Variants in FARS2 observed in about 807,000 individuals in gnomAD.
FARS2 encodes phenylalanyl-tRNA synthetase 2, mitochondrial.
Under a neutral mutation model 46.4 loss-of-function variants are expected in FARS2, and 40 were observed. That is an observed-to-expected ratio of 0.86 (90% CI 0.67 to 1.12). The LOEUF is 1.12. Among genes scored for constraint, FARS2 ranks in the 50% most tolerant of loss-of-function variants. FARS2 has a pLI of 0.00. For missense variants in FARS2, 513 were observed against 567.9 expected (o/e 0.90, Z 0.98); for synonymous variants, 234 against 214.9 (o/e 1.09, Z -0.78).
intron 1 of FARS2, among the ~76,000 whole-genome samples, chr6:5,298,459 C>T (rs1273302953): frequency 6.6e-6 from 1 of 152,114 alleles, no homozygotes; most frequent in African/African-American, 2.4e-5. Flanking sequence ...GCTTCTTGTC[C>T]CAGCATATCA....
intron 5 of FARS2, among the ~76,000 whole-genome samples, chr6:5,585,873 G>A (rs549235230): frequency 6.6e-6 from 1 of 151,838 alleles, no homozygotes; most frequent in Non-Finnish European, 1.5e-5. Context: ...ATGAACATGG[G>A]GTACAGATCT....
At position 5,471,384 on chromosome 6, in the gene FARS2, CCTT is replaced by C. The variant is rs1582201755; in HGVS notation, c.904+40215_904+40217del. On this transcript the variant is annotated intron_variant, in intron 4 of 6. Coordinates refer to ENST00000274680, the MANE Select transcript of FARS2 (RefSeq NM_006567.5). The surrounding 1 kb of genome is among the most constrained non-coding windows in gnomAD (Gnocchi z 4.1). The stretch of plus-strand genomic sequence containing the variant: ...AGAATTTCAGCAAAAACCCAGGAAT[CCTT>C]CTCTTACCTTTTCTTGCTCTGGCTA... 6.6e-6 allele frequency among the ~76,000 whole-genome samples: 1 copy of C among 152,172 alleles called. No individual in the cohort carries two copies. The highest frequency in any genetic ancestry group is 6.5e-5 in the Admixed American group (1 of 15,272).
At position 5,363,510 on chromosome 6, in the gene FARS2, T is replaced by A. The variant is rs189090308; in HGVS notation, c.-21-5040T>A. Among the ~76,000 whole-genome samples the A allele has an allele frequency of 1.0e-3, 155 of 152,196 alleles. 1 individual carries two copies. The highest frequency in any genetic ancestry group is 3.6e-3 in the African/African-American group (150 of 41,532). ...TTCCACCCAGCATCACATGTAGTGC[T>A]AGATTATGGGCATACGATGATAAAT... On this transcript the variant is annotated intron_variant, in intron 1 of 6. Transcript: ENST00000274680.
chr6:5,325,355 T>C (rs555889969), intron 1 of FARS2, among the ~76,000 whole-genome samples: 2 of 152,370 alleles, frequency 1.3e-5, no homozygotes, highest in South Asian at 4.1e-4. Flanking sequence ...TCCCTGGTGC[T>C]AAGTGCACCT....
chr6:5,366,825 A>G (rs973413589), intron 1 of FARS2, among the ~76,000 whole-genome samples: 3 of 152,234 alleles, frequency 2.0e-5, no homozygotes, highest in African/African-American at 7.2e-5. Flanking sequence ...GTGCTGAGCT[A>G]GGTAGCTAAT....
chr6:5,365,514 T>A (rs1247867469), intron 1 of FARS2, among the ~76,000 whole-genome samples: 50 of 142,766 alleles, frequency 3.5e-4, no homozygotes, highest in Admixed American at 6.2e-4. Context: ...AATAAAATTT[T>A]TTTTTTTTTT....
intron 6 of FARS2, among the ~76,000 whole-genome samples, chr6:5,651,542 A>G (rs1178038109): frequency 1.3e-5 from 2 of 152,240 alleles, no homozygotes; most frequent in African/African-American, 4.8e-5. Flanking sequence ...AAAGCAAGGC[A>G]AGAACCATCC....
At position 5,430,023 on chromosome 6, in the gene FARS2, T is replaced by G. The variant is rs1763072312; in HGVS notation, c.773-1018T>G. Among the ~76,000 whole-genome samples, 2 of 152,160 alleles carry G rather than the reference T, an allele frequency of 1.3e-5. 1 individual carries two copies. The highest frequency in any genetic ancestry group is 4.1e-4 in the South Asian group (2 of 4,826). ...AGCCATTTTTGTCATTATTTTTATT[T>G]GCTTCACATTTTGATTCCCACAAGA... On this transcript the variant is annotated intron_variant, in intron 3 of 6. Transcript: ENST00000274680.
chr6:5,617,778 G>A (rs1163348015), intron 6 of FARS2, among the ~76,000 whole-genome samples: 1 of 152,192 alleles, frequency 6.6e-6, no homozygotes, highest in Admixed American at 6.5e-5. Flanking sequence ...GAAATAGCCT[G>A]GGGCTTGAAT....
chr6:5,326,204 GA>G (rs752293934), intron 1 of FARS2, among the ~76,000 whole-genome samples: 3 of 145,054 alleles, frequency 2.1e-5, no homozygotes, highest in Non-Finnish European at 4.6e-5. Context: ...TGTCAGTGGA[GA>G]GCCTGCTTTG....
chr6:5,418,233 C>T (rs969796711), intron 3 of FARS2, among the ~76,000 whole-genome samples: 3 of 152,068 alleles, frequency 2.0e-5, no homozygotes, highest in Non-Finnish European at 4.4e-5. Flanking sequence ...TATTTTGTTT[C>T]TATTTTGCAT....
chr6:5,521,888 C>T (rs1769162732), intron 4 of FARS2, among the ~76,000 whole-genome samples: 1 of 152,136 alleles, frequency 6.6e-6, no homozygotes, highest in African/African-American at 2.4e-5. Context: ...AAAGCTCCTC[C>T]TCTAGAGCTT....
intron 1 of FARS2, among the ~76,000 whole-genome samples, chr6:5,300,857 T>A (rs3863217): frequency 0.61 from 92,343 of 151,336 alleles, 29,041 homozygotes; most frequent in African/African-American, 0.77. Flanking sequence ...ATTTAAAAAA[T>A]TTTTTTTTGT....
chr6:5,710,296 T>G (rs555631901), intron 6 of FARS2, among the ~76,000 whole-genome samples: 2 of 152,214 alleles, frequency 1.3e-5, no homozygotes, highest in Admixed American at 6.5e-5. Flanking sequence ...CTGACTGTGA[T>G]GAGACTACTT....
chr6:5,257,099 A>G (rs939509367), upstream of FARS2, among the ~76,000 whole-genome samples: 1 of 152,032 alleles, frequency 6.6e-6, no homozygotes, highest in Non-Finnish European at 1.5e-5. Flanking sequence ...CATCTTCTAC[A>G]CTGCTGCCAG....
chr6:5,577,142 T>A (rs1773034835), intron 5 of FARS2, among the ~76,000 whole-genome samples: 1 of 152,158 alleles, frequency 6.6e-6, no homozygotes, highest in African/African-American at 2.4e-5. Context: ...GGGTGAGCAA[T>A]TCTGAAGTTA....
intron 5 of FARS2, among the ~76,000 whole-genome samples, chr6:5,570,216 T>C (rs1287185252): frequency 3.3e-5 from 5 of 152,258 alleles, no homozygotes. Flanking sequence ...TAAAATGTTC[T>C]ATCTAGAAAG....
rs886861105 is a variant in FARS2 at position 5,520,568 on chromosome 6, T to A, written c.905-24612T>A. Among the ~76,000 whole-genome samples the A allele has an allele frequency of 1.3e-5, 2 of 152,226 alleles. 1 individual carries two copies. The highest frequency in any genetic ancestry group is 2.9e-5 in the Non-Finnish European group (2 of 68,040). ...CACCAGCTTAAGAAAGAAGACATTATAGATACAAATGAAGCCTGTTGTCTA... is the reference window on the plus strand; with the variant it reads ...CACCAGCTTAAGAAAGAAGACATTAAAGATACAAATGAAGCCTGTTGTCTA... On this transcript the variant is annotated intron_variant, in intron 4 of 6. Coordinates refer to ENST00000274680, the MANE Select transcript of FARS2 (RefSeq NM_006567.5).
chr6:5,696,181 TTTA>T (rs1758094438), intron 6 of FARS2, among the ~76,000 whole-genome samples: 1 of 152,220 alleles, frequency 6.6e-6, no homozygotes, highest in Non-Finnish European at 1.5e-5. Context: ...TCAGCATTTA[TTTA>T]TTCCACAAAT....
Sources: gnomAD v4.1 joint callset for allele counts (sites outside exome capture counted in the v4.1 genomes callset) on GRCh38, gnomAD v4.1.1 for gene constraint, Gnocchi (gnomAD v3.1) non-coding constraint, MANE v1.5 for transcripts, NCBI Gene and HGNC (gene_info 2026-07-23, HGNC 2026-07-21) for gene names.